The following ULK4 variants were observed in gnomAD, a reference collection of about 807,000 sequenced individuals.
ULK4 encodes the protein unc-51 like kinase 4.
In ULK4, 133 loss-of-function variants were observed where a neutral mutation model predicts 160.6. That is an observed-to-expected ratio of 0.83 (90% CI 0.72 to 0.96). The LOEUF (loss-of-function observed/expected upper bound fraction) is 0.96. Ranked by LOEUF, ULK4 falls within the 40% of genes least tolerant of loss-of-function variation. The pLI, the probability that ULK4 is intolerant of heterozygous loss-of-function variation, is 0.00. For synonymous variants in ULK4, 534 were observed against 539.8 expected (o/e 0.99, Z 0.15); for missense variants, 1,580 against 1,499.5 (o/e 1.05, Z -0.89).
intron 17 of ULK4, among the ~76,000 whole-genome samples, chr3:41,852,940 G>C (rs1349270835): frequency 6.6e-6 from 1 of 152,100 alleles, no homozygotes; most frequent in East Asian, 1.9e-4. Flanking sequence ...TCTCCCCTGA[G>C]AATCAAATCA....
At chr3:41,364,243 C>G (rs1329701039) in intron 35 of ULK4, among the ~76,000 whole-genome samples, 1 of 152,182 alleles carries the variant, frequency 6.6e-6, no homozygotes. Flanking sequence ...CGGCCCAAGC[C>G]TCTTCTCTTA....
intron 35 of ULK4, among the ~76,000 whole-genome samples, chr3:41,356,437 G>T (rs1248787149): frequency 6.6e-6 from 1 of 152,130 alleles, no homozygotes; most frequent in Non-Finnish European, 1.5e-5. Flanking sequence ...ACTCACAGAG[G>T]TCTGAGGATA....
intron 32 of ULK4, among the ~76,000 whole-genome samples, chr3:41,496,296 G>C (rs1485202788): frequency 2.0e-5 from 3 of 152,058 alleles, no homozygotes; most frequent in African/African-American, 7.2e-5. Context: ...GGTACAACTA[G>C]TACCAAACTA....
intron 20 of ULK4, among the ~76,000 whole-genome samples, chr3:41,793,151 C>T (rs887825928): frequency 1.4e-4 from 21 of 145,704 alleles, no homozygotes; most frequent in African/African-American, 5.5e-4. Flanking sequence ...CCAGCCTGGG[C>T]AACAAGAGTG....
chr3:41,897,341 A>T (rs1237189503), intron 14 of ULK4, among the ~76,000 whole-genome samples: 1 of 152,220 alleles, frequency 6.6e-6, no homozygotes, highest in Non-Finnish European at 1.5e-5. Flanking sequence ...TTGTATAAAT[A>T]AATCAACTCT....
At chr3:41,272,785 T>A (rs192220358) in intron 35 of ULK4, among the ~76,000 whole-genome samples, 1 of 152,332 alleles carries the variant, frequency 6.6e-6, no homozygotes, top group East Asian at 1.9e-4. Flanking sequence ...CTTTATTTAT[T>A]TCTGTGTTTC....
At chr3:41,545,155 G>A (rs934006707) in intron 32 of ULK4, among the ~76,000 whole-genome samples, 1 of 150,914 alleles carries the variant, frequency 6.6e-6, no homozygotes, top group Middle Eastern at 3.4e-3. Context: ...TACCTAGTCC[G>A]TTTTATTTTA....
chr3:41,611,625 G>A (rs1475240423), intron 31 of ULK4, among the ~76,000 whole-genome samples: 1 of 151,998 alleles, frequency 6.6e-6, no homozygotes, highest in East Asian at 1.9e-4. Context: ...GTGACTGAAG[G>A]AGCATGGACA....
At chr3:41,816,488 C>T (rs533573792) in intron 19 of ULK4, among the ~76,000 whole-genome samples, 1 of 152,262 alleles carries the variant, frequency 6.6e-6, no homozygotes, top group East Asian at 1.9e-4. Context: ...TGGTCATCCT[C>T]ATTAGTAATC....
intron 34 of ULK4, among the ~76,000 whole-genome samples, chr3:41,404,769 G>C (rs1370983516): frequency 6.6e-6 from 1 of 152,124 alleles, no homozygotes; most frequent in Non-Finnish European, 1.5e-5. Flanking sequence ...TCGCCCTCTT[G>C]CACTTCCTTC....
chr3:41,935,017 A>ATTTTTTTTTT (rs10635589), intron 4 of ULK4, among the ~76,000 whole-genome samples: 4 of 112,876 alleles, frequency 3.5e-5, no homozygotes, highest in African/African-American at 6.9e-5. Context: ...TTATTTATTA[A>ATTTTTTTTTT]TTTTTTTTTT....
chr3:41,319,560 C>T lies in ULK4; in HGVS notation c.3679-69986G>A, dbSNP rs531164273. On this transcript the variant is annotated intron_variant, in intron 35 of 36. Coordinates refer to ENST00000301831, the MANE Select transcript of ULK4 (RefSeq NM_017886.4). ...ACATTAATTGTTTTACTATACTAGA[C>T]ACATCTTGGTACATGGTCAAAGTAG... 7.2e-5 allele frequency among the ~76,000 whole-genome samples: 11 copies of T among 152,310 alleles called. 1 individual carries two copies. The South Asian group carries it at 2.3e-3, about 32-fold the overall frequency.
intron 1 of ULK4, chr3:41,955,748 C>T (rs1230009446): frequency 6.7e-6 from 1 of 149,274 alleles, no homozygotes; most frequent in African/African-American, 2.5e-5. Flanking sequence ...AGAAAGTGGC[C>T]ACAAAGAAGG....
At chr3:41,560,837 T>A (rs1172477243) in intron 32 of ULK4, among the ~76,000 whole-genome samples, 2 of 152,206 alleles carry the variant, frequency 1.3e-5, no homozygotes, top group African/African-American at 4.8e-5. Flanking sequence ...CCTCCTTTCC[T>A]AATTAAATAC....
At chr3:41,822,317 C>T (rs1011101393) in intron 18 of ULK4, among the ~76,000 whole-genome samples, 8 of 152,112 alleles carry the variant, frequency 5.3e-5, no homozygotes, top group African/African-American at 1.4e-4. Context: ...TAATAACGGC[C>T]GTAATCCATA....
At chr3:41,399,063 A>G (rs1403709857) in intron 34 of ULK4, among the ~76,000 whole-genome samples, 2 of 152,158 alleles carry the variant, frequency 1.3e-5, no homozygotes, top group African/African-American at 4.8e-5. Context: ...GACCCGCTTC[A>G]TAGTAACTCT....
chr3:41,584,383 C>T (rs2030626384), intron 31 of ULK4, among the ~76,000 whole-genome samples: 1 of 152,172 alleles, frequency 6.6e-6, no homozygotes, highest in African/African-American at 2.4e-5. Context: ...CCTCCACCTC[C>T]CAAGCTCAAG....
At position 41,819,615 on chromosome 3, in the gene ULK4, T is replaced by C. The variant is rs1021987578; in HGVS notation, c.1765-109A>G. 1.0e-5 allele frequency: 9 copies of C among 876,744 alleles called. No homozygotes were observed. The African/African-American group carries it at 1.4e-4, about 13-fold the overall frequency. The allele number at this position is 876,744 out of a possible 1,614,324, so 54.3% of individuals were successfully genotyped here. On this transcript the variant is annotated intron_variant, in intron 18 of 36. Coordinates refer to ENST00000301831, the MANE Select transcript of ULK4 (RefSeq NM_017886.4). The stretch of plus-strand genomic sequence containing the variant: ...AGTATACAAACTATCTAAAACTTAA[T>C]AGTCTATTTAAAGTATTACTTACTA...
intron 35 of ULK4, among the ~76,000 whole-genome samples, chr3:41,312,462 GA>G (rs2080069283): frequency 6.6e-6 from 1 of 151,910 alleles, no homozygotes; most frequent in African/African-American, 2.4e-5. Flanking sequence ...ATAATTGAAA[GA>G]AAAAAATGAG....
Sources: gnomAD v4.1 joint callset for allele counts (sites outside exome capture counted in the v4.1 genomes callset) on GRCh38, gnomAD v4.1.1 for gene constraint, MANE v1.5 for transcripts, NCBI Gene and HGNC (gene_info 2026-07-23, HGNC 2026-07-21) for gene names.